The following SKIC8 variants were observed in gnomAD, a reference collection of about 807,000 sequenced individuals.
SKIC8 encodes the protein superkiller complex protein 8.
the SKIC8 span, chr15:78,293,317 C>T: frequency 6.5e-7 from 1 of 1,536,176 alleles, no homozygotes; most frequent in Non-Finnish European, 9.0e-7. Flanking sequence ...TTGCATACGA[C>T]TTAATGAAGC....
At chr15:78,289,362 A>G in the SKIC8 span, among the ~76,000 whole-genome samples, 8 of 152,164 alleles carry the variant, frequency 5.3e-5, no homozygotes, top group African/African-American at 1.9e-4. Context: ...ACAGTGAGCT[A>G]TGATCACACC....
At chr15:78,283,601 G>A in the SKIC8 span, 4 of 1,135,580 alleles carry the variant, frequency 3.5e-6, no homozygotes, top group Non-Finnish European at 5.0e-6. Context: ...TTATTTTCTC[G>A]TTATTCTGAA....
At chr15:78,289,482 C>T in the SKIC8 span, 1 of 665,224 alleles carries the variant, frequency 1.5e-6, no homozygotes, top group Non-Finnish European at 2.6e-6. Context: ...AACCTGGAGG[C>T]ATTTCAGTTT....
the SKIC8 span, chr15:78,295,918 C>T: frequency 2.2e-6 from 1 of 451,612 alleles, no homozygotes; most frequent in East Asian, 3.3e-5. Flanking sequence ...TCCTCTGAAC[C>T]TAGGGACTCA....
chr15:78,289,617 A>G, the SKIC8 span: 1 of 1,607,250 alleles, frequency 6.2e-7, no homozygotes, highest in Non-Finnish European at 8.5e-7. Context: ...GATGATATAT[A>G]CCTTCCAGGG....
At chr15:78,292,721 T>G in the SKIC8 span, 1 of 1,614,230 alleles carries the variant, frequency 6.2e-7, no homozygotes, top group Non-Finnish European at 8.5e-7. Context: ...GTGTGGCTGA[T>G]GTCCACAGAC....
the SKIC8 span, among the ~76,000 whole-genome samples, chr15:78,296,441 G>T: frequency 2.6e-5 from 4 of 151,694 alleles, no homozygotes; most frequent in African/African-American, 9.7e-5. Context: ...AAAAAGGATA[G>T]ATCTAATTTC....
chr15:78,294,970 C>T, the SKIC8 span: 118 of 1,613,780 alleles, frequency 7.3e-5, no homozygotes, highest in Non-Finnish European at 9.1e-5. Context: ...AAGAGAATAC[C>T]GTACTAAAAA....
At chr15:78,290,968 A>T in the SKIC8 span, 1 of 152,262 alleles carries the variant, frequency 6.6e-6, no homozygotes, top group East Asian at 1.9e-4. Flanking sequence ...TGTATTTTTT[A>T]GTAGAGACAG....
chr15:78,293,004 A>C, the SKIC8 span: 1 of 814,366 alleles, frequency 1.2e-6, no homozygotes, highest in Non-Finnish European at 1.9e-6. Flanking sequence ...ATACAGAGTA[A>C]CAGGAAAACA....
the SKIC8 span, chr15:78,292,363 A>G: frequency 2.5e-6 from 1 of 402,826 alleles, no homozygotes; most frequent in South Asian, 2.9e-5. Flanking sequence ...ACCTGAATTG[A>G]CATAAGGCTA....
At chr15:78,297,703 T>C in the SKIC8 span, among the ~76,000 whole-genome samples, 1 of 152,172 alleles carries the variant, frequency 6.6e-6, no homozygotes, top group East Asian at 1.9e-4. Flanking sequence ...TTAGGAAACA[T>C]AAAGATGCAA....
the SKIC8 span, chr15:78,289,510 T>C: frequency 1.3e-6 from 1 of 795,084 alleles, no homozygotes; most frequent in East Asian, 2.6e-5. Flanking sequence ...GAGATTGATA[T>C]TTTGTAAATC....
chr15:78,299,358 C>A, the SKIC8 span: 2 of 152,714 alleles, frequency 1.3e-5, no homozygotes, highest in Non-Finnish European at 1.5e-5. Flanking sequence ...GGGCCTCCCC[C>A]ACTCCCCTCA....
the SKIC8 span, among the ~76,000 whole-genome samples, chr15:78,298,144 C>A: frequency 2.0e-5 from 3 of 152,098 alleles, no homozygotes; most frequent in Admixed American, 2.0e-4. Flanking sequence ...TGGTATTCAA[C>A]CTCTGCTTCA....
the SKIC8 span, chr15:78,295,689 C>G: frequency 6.4e-7 from 1 of 1,562,300 alleles, no homozygotes; most frequent in Non-Finnish European, 8.7e-7. Flanking sequence ...TTGGTCATTT[C>G]CTTAACCAAG....
At chr15:78,283,380 CATG>C in the SKIC8 span, 6 of 1,450,948 alleles carry the variant, frequency 4.1e-6, no homozygotes, top group South Asian at 5.9e-5. Flanking sequence ...TAAGGAATGT[CATG>C]ATCAATCCGT....
the SKIC8 span, chr15:78,290,469 CAA>C: frequency 5.7e-6 from 1 of 176,002 alleles, no homozygotes; most frequent in African/African-American, 2.4e-5. Flanking sequence ...TATGTCCACA[CAA>C]AGACTGGTAC....
the SKIC8 span, chr15:78,285,427 C>T: frequency 8.6e-7 from 1 of 1,167,222 alleles, no homozygotes; most frequent in South Asian, 1.3e-5. Context: ...CTTCTAACTT[C>T]AGACCCCCCA....
Sources: gnomAD v4.1 joint callset for allele counts (sites outside exome capture counted in the v4.1 genomes callset) on GRCh38, gnomAD v4.1.1 for gene constraint, MANE v1.5 for transcripts, NCBI Gene and HGNC (gene_info 2026-07-23, HGNC 2026-07-21) for gene names.